Variants in SLC2A5 observed in about 807,000 individuals in gnomAD.
The protein encoded by SLC2A5 is solute carrier family 2, facilitated glucose transporter member 5.
SLC2A5 carries 56 observed loss-of-function variants against 50.3 expected under a neutral mutation model. The observed-to-expected ratio is 1.11, with a 90% CI of 0.90 to 1.39. SLC2A5 has a LOEUF of 1.39. Ranked by LOEUF, SLC2A5 falls within the 40% of genes most tolerant of loss-of-function variation. The pLI is 0.00. For synonymous variants in SLC2A5, 269 were observed against 281.9 expected (o/e 0.95, Z 0.46); for missense variants, 566 against 650.1 (o/e 0.87, Z 1.41).
chr1:9,078,380 C>G (rs1356729571), intron 2 of SLC2A5, among the ~76,000 whole-genome samples: 4 of 152,070 alleles, frequency 2.6e-5, no homozygotes, highest in Non-Finnish European at 4.4e-5. Context: ...GGGAATGCAG[C>G]CCAGTAGGTC....
chr1:9,080,158 T>C (rs1642336843), intron 2 of SLC2A5, among the ~76,000 whole-genome samples: 1 of 152,248 alleles, frequency 6.6e-6, no homozygotes, highest in Non-Finnish European at 1.5e-5. Context: ...TCTCTGAGGC[T>C]GGATCATACT....
intron 1 of SLC2A5, among the ~76,000 whole-genome samples, chr1:9,064,646 G>A (rs74973473): frequency 0.053 from 8,105 of 152,206 alleles, 327 homozygotes; most frequent in Non-Finnish European, 0.088. Flanking sequence ...TTATTCCCAC[G>A]TGAGCTAAGT....
chr1:9,061,667 A>G (rs929923452), intron 1 of SLC2A5, among the ~76,000 whole-genome samples: 1 of 151,880 alleles, frequency 6.6e-6, no homozygotes, highest in Admixed American at 6.6e-5. Context: ...AACCAGCTTC[A>G]TTCACACAGC....
At chr1:9,045,162 T>G (rs1641405002) in intron 4 of SLC2A5, among the ~76,000 whole-genome samples, 1 of 152,196 alleles carries the variant, frequency 6.6e-6, no homozygotes, top group Non-Finnish European at 1.5e-5. Flanking sequence ...CAGAAGTACA[T>G]CTGAGAATTC....
chr1:9,060,254 A>G (rs1411446057), intron 1 of SLC2A5, among the ~76,000 whole-genome samples: 3 of 116,950 alleles, frequency 2.6e-5, no homozygotes, highest in Non-Finnish European at 5.1e-5. Context: ...ATGTACACAC[A>G]CTACACACAC....
In SLC2A5 at chr1:9,039,557, A is replaced by G; in HGVS notation, c.991T>C (p.Cys331Arg). ...TGAVNVVMTF[C>R]AVFVVELLGR... ...GCAGCTCCCAGGACACTCACGGCGCAGAAGGTCATGACCACGTTCACGGCC... is the reference window on the plus strand; with the variant it reads ...GCAGCTCCCAGGACACTCACGGCGCGGAAGGTCATGACCACGTTCACGGCC... The change falls in exon 8 of 12, where the codon TGC becomes CGC. Residue 331 changes from cysteine to arginine, a missense_variant. Cys to Arg is a radical substitution (Grantham distance 180). Coordinates refer to ENST00000377424, the MANE Select transcript of SLC2A5 (RefSeq NM_003039.3). 1 of 1,569,922 alleles carries G rather than the reference A, an allele frequency of 6.4e-7. No homozygotes were observed. The highest frequency in any genetic ancestry group is 1.2e-5 in the South Asian group (1 of 85,488).
intron 3 of SLC2A5, among the ~76,000 whole-genome samples, chr1:9,047,992 T>G (rs1335797587): frequency 6.6e-6 from 1 of 152,204 alleles, no homozygotes; most frequent in African/African-American, 2.4e-5. Flanking sequence ...GGCTCTGTAT[T>G]AAGATATAGT....
At chr1:9,042,080 T>G in intron 4 of SLC2A5, 143 bp from the exon 5 acceptor site, 2 of 1,214,786 alleles carry the variant, frequency 1.6e-6, no homozygotes, top group South Asian at 3.5e-5. Context: ...AACACCTCTT[T>G]TAATTCTTAG....
intron 3 of SLC2A5, among the ~76,000 whole-genome samples, chr1:9,050,119 A>T (rs551263686): frequency 2.0e-5 from 3 of 150,906 alleles, no homozygotes; most frequent in African/African-American, 7.3e-5. Context: ...TAAAAATACA[A>T]AAAAAAAATT....
chr1:9,040,299 A>G lies in SLC2A5; in HGVS notation c.572-110T>C. 1.5e-6 allele frequency: 2 copies of G among 1,328,920 alleles called. No homozygotes were observed. Among genetic ancestry groups the G allele is most frequent in the African/African-American group, 1.5e-5 (1 of 67,716 alleles). The allele number at this position is 1,328,920 out of a possible 1,614,324, so 82.3% of individuals were successfully genotyped here. ...TCCTGAGTGGGGTGCAGGCTCCAGGAGGGCACAGCTTTCCCAGCCCTAAGA... is the reference window on the plus strand; with the variant it reads ...TCCTGAGTGGGGTGCAGGCTCCAGGGGGGCACAGCTTTCCCAGCCCTAAGA... On this transcript the variant is annotated intron_variant, in intron 5 of 11. Transcript: ENST00000377424. The surrounding 1 kb of genome is among the most constrained non-coding windows in gnomAD (Gnocchi z 4.3).
chr1:9,080,472 CTT>C (rs1299120756), intron 2 of SLC2A5, among the ~76,000 whole-genome samples: 2 of 152,204 alleles, frequency 1.3e-5, no homozygotes, highest in Non-Finnish European at 2.9e-5. Flanking sequence ...CTCACCAGCA[CTT>C]GTTATTTTCT....
At chr1:9,088,202 C>T (rs537740394) in intron 1 of SLC2A5, among the ~76,000 whole-genome samples, 2 of 151,256 alleles carry the variant, frequency 1.3e-5, no homozygotes, top group East Asian at 1.9e-4. Flanking sequence ...TTTTTCCTTC[C>T]TCTGGAACCC....
At chr1:9,060,895 A>T (rs947056105) in intron 1 of SLC2A5, among the ~76,000 whole-genome samples, 1 of 151,610 alleles carries the variant, frequency 6.6e-6, no homozygotes, top group Non-Finnish European at 1.5e-5. Flanking sequence ...AACAAGACAG[A>T]CAAAAATCCC....
chr1:9,058,273 C>A, intron 1 of SLC2A5, 23 bp from the exon 2 acceptor site: 1 of 1,575,162 alleles, frequency 6.3e-7, no homozygotes, highest in South Asian at 1.1e-5. Flanking sequence ...CAGCTTAGGT[C>A]AGGAAGCAGC....
chr1:9,042,273 G>A (rs1323288859), intron 4 of SLC2A5, among the ~76,000 whole-genome samples: 1 of 152,096 alleles, frequency 6.6e-6, no homozygotes, highest in African/African-American at 2.4e-5. Flanking sequence ...AAAAGGCAAG[G>A]CAGCTGGGTG....
intron 3 of SLC2A5, among the ~76,000 whole-genome samples, chr1:9,052,695 T>C (rs1641609087): frequency 4.6e-5 from 7 of 152,162 alleles, no homozygotes; most frequent in Admixed American, 4.6e-4. Flanking sequence ...TTCTCAATTA[T>C]GTGAGCCTAA....
intron 1 of SLC2A5, among the ~76,000 whole-genome samples, chr1:9,067,342 G>A (rs552256408): frequency 6.6e-6 from 1 of 152,218 alleles, no homozygotes; most frequent in East Asian, 1.9e-4. Context: ...CTTCCCTGGA[G>A]GGCTGAGGCA....
the SLC2A5 span, among the ~76,000 whole-genome samples, chr1:9,094,106 T>G: frequency 6.6e-6 from 1 of 152,186 alleles, no homozygotes; most frequent in Admixed American, 6.5e-5. Context: ...GTTCTTAACT[T>G]CTAACTAATG....
intron 2 of SLC2A5, among the ~76,000 whole-genome samples, chr1:9,076,235 C>T (rs1013412166): frequency 3.3e-5 from 5 of 152,144 alleles, no homozygotes; most frequent in African/African-American, 7.2e-5. Flanking sequence ...GGATTACAGG[C>T]GTGAGCCACT....
Sources: allele counts gnomAD v4.1 joint callset (sites outside exome capture counted in the v4.1 genomes callset), GRCh38; gene constraint gnomAD v4.1.1; non-coding constraint Gnocchi (gnomAD v3.1); transcripts MANE v1.5; gene names NCBI Gene and HGNC (gene_info 2026-07-23, HGNC 2026-07-21).